The following SVOP variants were observed in gnomAD, a reference collection of about 807,000 sequenced individuals.
The protein encoded by SVOP is synaptic vesicle 2-related protein.
SVOP carries 17 observed loss-of-function variants against 69.1 expected under a neutral mutation model. The ratio of observed to expected loss-of-function variants is 0.25; its 90% CI spans 0.17 to 0.37. The LOEUF (loss-of-function observed/expected upper bound fraction) is 0.37. SVOP is among the 10% of genes least tolerant of loss of function. SVOP has a pLI of 1.00. For synonymous variants in SVOP, 238 were observed against 238.6 expected, an observed-to-expected ratio of 1.00 and a Z score of 0.02; for missense variants, 435 against 597.5, an observed-to-expected ratio of 0.73 and a Z score of 2.84.
At chr12:108,917,976 G>A in intron 14 of SVOP, 67 bp downstream of exon 14, 6 of 1,307,684 alleles carry the variant, frequency 4.6e-6, no homozygotes, top group Non-Finnish European at 1.0e-6. Flanking sequence ...TCTGGAAGCA[G>A]AGCATCCCCC....
chr12:109,011,175 C>G (rs1249462158), intron 1 of SVOP, among the ~76,000 whole-genome samples: 3 of 152,148 alleles, frequency 2.0e-5, no homozygotes, highest in African/African-American at 7.2e-5. Flanking sequence ...TTGGCCCCCA[C>G]CAAAGTGCTG....
chr12:108,963,873 C>T (rs986546800), intron 5 of SVOP, among the ~76,000 whole-genome samples: 2 of 152,196 alleles, frequency 1.3e-5, no homozygotes, highest in Non-Finnish European at 2.9e-5. Context: ...CAACCACAAC[C>T]ACTAAGAATT....
At chr12:109,020,642 C>G (rs764360315) in intron 1 of SVOP, among the ~76,000 whole-genome samples, 192 bp downstream of exon 1, 5 of 151,910 alleles carry the variant, frequency 3.3e-5, no homozygotes, top group Admixed American at 6.6e-5. Context: ...GGAACTGAGT[C>G]AGAGATACAG....
At chr12:108,999,894 T>G (rs1418918555) in intron 1 of SVOP, among the ~76,000 whole-genome samples, 1 of 151,608 alleles carries the variant, frequency 6.6e-6, no homozygotes, top group East Asian at 1.9e-4. Flanking sequence ...AACATCACAA[T>G]TAAAAGAACT....
intron 6 of SVOP, among the ~76,000 whole-genome samples, chr12:108,956,510 C>G (rs2039986692): frequency 6.6e-6 from 1 of 152,110 alleles, no homozygotes; most frequent in African/African-American, 2.4e-5. Flanking sequence ...GCAACAGAGA[C>G]CAACATGGAG....
chr12:108,958,342 G>C lies in SVOP; in HGVS notation c.578+2581C>G, dbSNP rs1055728191. Among the ~76,000 whole-genome samples the C allele has an allele frequency of 3.3e-5, 5 of 151,066 alleles. No homozygotes were observed. In the East Asian group the frequency reaches 9.7e-4, roughly 29 times the overall value. On this transcript the variant is annotated intron_variant, in intron 6 of 15. Coordinates refer to ENST00000610966, the MANE Select transcript of SVOP (RefSeq NM_018711.5). ...AATTTAATACTGTGTTTCTACTGTAGGTTTTCTATGTCTAAATGTGTTTAG... is the reference window on the plus strand; with the variant it reads ...AATTTAATACTGTGTTTCTACTGTACGTTTTCTATGTCTAAATGTGTTTAG...
At chr12:108,976,178 G>A (rs1445081146) in intron 4 of SVOP, among the ~76,000 whole-genome samples, 1 of 152,108 alleles carries the variant, frequency 6.6e-6, no homozygotes, top group African/African-American at 2.4e-5. Flanking sequence ...CCTCACTCAA[G>A]GTCACACTTC....
chr12:108,972,043 CAAA>C (rs1405088801), intron 5 of SVOP, among the ~76,000 whole-genome samples: 1 of 150,828 alleles, frequency 6.6e-6, no homozygotes, highest in Non-Finnish European at 1.5e-5. Context: ...CTGTCTCAAA[CAAA>C]AAGAAAAACA....
intron 6 of SVOP, among the ~76,000 whole-genome samples, chr12:108,957,426 A>C (rs761863139): frequency 6.6e-6 from 1 of 152,172 alleles, no homozygotes; most frequent in Non-Finnish European, 1.5e-5. Flanking sequence ...GGCCTCCCAA[A>C]GTGCTGGGAT....
In SVOP at chr12:108,912,173, T is replaced by G; in HGVS notation, c.*362A>C. 9.0e-7 allele frequency: 1 copy of G among 1,112,670 alleles called. No homozygotes were observed. The highest frequency in any genetic ancestry group is 1.1e-6 in the Non-Finnish European group (1 of 908,214). The allele number at this position is 1,112,670 out of a possible 1,614,324, so 68.9% of individuals were successfully genotyped here. A position where few individuals can be genotyped will look rare whatever the true frequency, so the allele number is the denominator to read the frequency against. On this transcript the variant is annotated 3_prime_UTR_variant, in exon 16 of 16. Coordinates refer to ENST00000610966, the MANE Select transcript of SVOP (RefSeq NM_018711.5). ...CACATGGGCCTGAGCCTGGACGGTA[T>G]CTACAGAGAGATATTTTGGTTGTTC... is the stretch of plus-strand genomic sequence containing the variant.
At chr12:108,915,669 TA>T in intron 15 of SVOP, 113 bp downstream of exon 15, 2 of 1,104,352 alleles carry the variant, frequency 1.8e-6, no homozygotes, top group East Asian at 2.9e-5. Context: ...GTTGTTATGA[TA>T]AAATGAGCGA....
intron 5 of SVOP, among the ~76,000 whole-genome samples, chr12:108,971,666 G>A (rs554583792): frequency 3.9e-5 from 6 of 152,148 alleles, no homozygotes; most frequent in African/African-American, 1.4e-4. Context: ...TAGGGGAGTG[G>A]AGAAGTGAGA....
intron 5 of SVOP, among the ~76,000 whole-genome samples, chr12:108,969,225 T>C (rs2040064308): frequency 6.6e-6 from 1 of 151,842 alleles, no homozygotes; most frequent in African/African-American, 2.4e-5. Context: ...TTTTTTCTTC[T>C]CTCCTTCCTT....
At chr12:108,917,601 G>C (rs1251814670) in intron 14 of SVOP, among the ~76,000 whole-genome samples, 1 of 151,320 alleles carries the variant, frequency 6.6e-6, no homozygotes, top group Non-Finnish European at 1.5e-5. Flanking sequence ...TCAGTAGTAT[G>C]TCTTAAAATC....
intron 1 of SVOP, among the ~76,000 whole-genome samples, chr12:108,996,564 AAAAG>A (rs547881300): frequency 7.8e-4 from 118 of 152,080 alleles, no homozygotes; most frequent in Non-Finnish European, 1.4e-3. Flanking sequence ...AAAAACAAAA[AAAAG>A]AAAGAAAGAA....
intron 2 of SVOP, among the ~76,000 whole-genome samples, chr12:108,982,485 TCATCATCATCACCACCACTATCATCAC>T (rs2040142317): frequency 6.8e-6 from 1 of 146,176 alleles, no homozygotes; most frequent in Non-Finnish European, 1.5e-5. Flanking sequence ...ATCACCACAA[TCATCATCATCACCACCACTATCATCAC>T]CATCATCACC....
At chr12:108,947,899 G>A (rs2039934016) in intron 6 of SVOP, among the ~76,000 whole-genome samples, 1 of 152,106 alleles carries the variant, frequency 6.6e-6, no homozygotes, top group Non-Finnish European at 1.5e-5. Context: ...AAGGCAGATG[G>A]TGCTGGGGAC....
At chr12:108,986,323 T>C (rs1001190419) in intron 1 of SVOP, among the ~76,000 whole-genome samples, 16 of 152,344 alleles carry the variant, frequency 1.1e-4, no homozygotes, top group Non-Finnish European at 2.2e-4. Context: ...ACCACAGGTT[T>C]ATCTGGCTTA....
chr12:109,006,332 G>A (rs1407913735), intron 1 of SVOP, among the ~76,000 whole-genome samples: 1 of 152,052 alleles, frequency 6.6e-6, no homozygotes, highest in Non-Finnish European at 1.5e-5. Flanking sequence ...GGATTACAGG[G>A]TGACCCACTG....
Sources: gnomAD v4.1 joint callset for allele counts (sites outside exome capture counted in the v4.1 genomes callset) on GRCh38, gnomAD v4.1.1 for gene constraint, MANE v1.5 for transcripts, NCBI Gene and HGNC (gene_info 2026-07-23, HGNC 2026-07-21) for gene names.